The following HS3ST2 variants were observed in gnomAD, a reference collection of about 807,000 sequenced individuals.
HS3ST2 encodes heparan sulfate-glucosamine 3-sulfotransferase 2, also known as heparan sulfate glucosamine 3-O-sulfotransferase 2.
A neutral mutation model predicts 26.3 loss-of-function variants in HS3ST2; 17 were observed. The ratio of observed to expected loss-of-function variants is 0.65; its 90% CI spans 0.44 to 0.97. The LOEUF is 0.97. Ranked by LOEUF, HS3ST2 falls within the 50% of genes least tolerant of loss-of-function variation. HS3ST2 has a pLI of 0.00. For synonymous variants in HS3ST2, 237 were observed against 219.2 expected, an observed-to-expected ratio of 1.08 and a Z score of -0.72; for missense variants, 402 against 501.2, an observed-to-expected ratio of 0.80 and a Z score of 1.89.
rs1344105493 is a variant in HS3ST2, at chr16:22,915,590, G to A, written c.*28G>A. On this transcript the variant is annotated 3_prime_UTR_variant, in exon 2 of 2. Transcript: ENST00000261374. ...CCACGAAAGGAAAGGGCTCTCAAGGGCTCTTCTGCTCATCTCTTCCGTGAG... is the reference window on the plus strand; with the variant it reads ...CCACGAAAGGAAAGGGCTCTCAAGGACTCTTCTGCTCATCTCTTCCGTGAG... 6 of 1,588,834 alleles carry A rather than the reference G, an allele frequency of 3.8e-6. No individual in the cohort carries two copies. In the East Asian group the frequency reaches 1.3e-4, roughly 36 times the overall value.
At chr16:22,903,506 T>C (rs898439297) in intron 1 of HS3ST2, among the ~76,000 whole-genome samples, 7 of 152,214 alleles carry the variant, frequency 4.6e-5, no homozygotes, top group Non-Finnish European at 1.0e-4. Context: ...TACCCAGCCA[T>C]TAAACTAGCC....
rs111782641 is a variant in HS3ST2 at position 22,887,628 on chromosome 16, G to T, written c.486-27316G>T. 8.7e-4 allele frequency among the ~76,000 whole-genome samples: 132 copies of T among 152,244 alleles called. 1 individual carries two copies. In the Middle Eastern group the frequency reaches 0.01, roughly 12 times the overall value. The stretch of plus-strand genomic sequence containing the variant: ...CAGGCACCTGTAGCAGACACGATTG[G>T]TGCTTGGCTCAGATCCCTCTTAGTC... On this transcript the variant is annotated intron_variant, in intron 1 of 1. Transcript: ENST00000261374.
At chr16:22,854,685 C>G (rs1901565576) in intron 1 of HS3ST2, 1 of 147,680 alleles carries the variant, frequency 6.8e-6, no homozygotes, top group Admixed American at 6.8e-5. Context: ...GTCATTCAAG[C>G]TTGGGTGCAG....
intron 1 of HS3ST2, among the ~76,000 whole-genome samples, chr16:22,869,201 C>T (rs747894891): frequency 9.9e-5 from 15 of 152,120 alleles, no homozygotes; most frequent in Non-Finnish European, 2.1e-4. Flanking sequence ...ATAGAGACCT[C>T]CCTCATCTGG....
At chr16:22,847,618 A>G (rs1901455618) in intron 1 of HS3ST2, among the ~76,000 whole-genome samples, 1 of 152,124 alleles carries the variant, frequency 6.6e-6, no homozygotes, top group South Asian at 2.1e-4. Context: ...GGGGAATGGA[A>G]GAGAAGTATG....
intron 1 of HS3ST2, among the ~76,000 whole-genome samples, chr16:22,863,532 C>A (rs1901708071): frequency 6.6e-6 from 1 of 152,154 alleles, no homozygotes; most frequent in African/African-American, 2.4e-5. Context: ...ATTCCGTCAC[C>A]CAGAGAGTGA....
intron 1 of HS3ST2, among the ~76,000 whole-genome samples, chr16:22,899,274 A>G (rs1902250574): frequency 6.6e-6 from 1 of 152,194 alleles, no homozygotes; most frequent in Admixed American, 6.5e-5. Context: ...GTTTCAGAGC[A>G]GGGAAGCTGG....
intron 1 of HS3ST2, among the ~76,000 whole-genome samples, chr16:22,824,029 C>T (rs1901042983): frequency 6.6e-6 from 1 of 152,228 alleles, no homozygotes; most frequent in Non-Finnish European, 1.5e-5. Flanking sequence ...GTATTCTCCA[C>T]AATTACCACA....
In HS3ST2 at chr16:22,868,709, T is replaced by C. The variant is rs192090499; in HGVS notation, c.486-46235T>C. Among the ~76,000 whole-genome samples the C allele has an allele frequency of 5.9e-4, 90 of 152,234 alleles. 1 individual carries two copies. The highest frequency in any genetic ancestry group is 4.4e-3 in the Admixed American group (68 of 15,292). On this transcript the variant is annotated intron_variant, in intron 1 of 1. Coordinates refer to ENST00000261374, the MANE Select transcript of HS3ST2 (RefSeq NM_006043.2). The stretch of plus-strand genomic sequence containing the variant: ...ATTCTGGGCACTGATTTGTTTCCTT[T>C]TGGTGTTAATTTTGCTGCTGCAGCT...
intron 1 of HS3ST2, among the ~76,000 whole-genome samples, chr16:22,842,514 C>T (rs1310218619): frequency 6.6e-6 from 1 of 152,062 alleles, no homozygotes; most frequent in African/African-American, 2.4e-5. Flanking sequence ...AATTTTGTAT[C>T]CTTTGACCCA....
chr16:22,907,522 C>G (rs901305318), intron 1 of HS3ST2, among the ~76,000 whole-genome samples: 10 of 152,078 alleles, frequency 6.6e-5, no homozygotes. Context: ...AGGCTGGAGA[C>G]TTCAGAAGGT....
At position 22,827,431 on chromosome 16, in the gene HS3ST2, G is replaced by A. The variant is rs981014236; in HGVS notation, c.485+12336G>A. 4.6e-5 allele frequency among the ~76,000 whole-genome samples: 7 copies of A among 152,294 alleles called. No individual in the cohort carries two copies. The South Asian group carries it at 1.5e-3, about 32-fold the overall frequency. ...AGGATTTCTTGGGCTGTTATGTAAG[G>A]CAGTAAGGATGGAAGGAGGAAAACT... On this transcript the variant is annotated intron_variant, in intron 1 of 1. Transcript: ENST00000261374.
chr16:22,840,707 A>G (rs775950513), intron 1 of HS3ST2, among the ~76,000 whole-genome samples: 15 of 152,176 alleles, frequency 9.9e-5, no homozygotes, highest in African/African-American at 1.4e-4. Flanking sequence ...GCTAGAAAGA[A>G]TGGGGGAATT....
In HS3ST2 at chr16:22,814,203, A is replaced by C. The variant is rs2141170235; in HGVS notation, c.-408A>C. ...CCAGATCGCGGCCGGCGCCAGCGCCACCGTCCGGTCCACCCGCCAGCCCGC... is the reference window on the plus strand; with the variant it reads ...CCAGATCGCGGCCGGCGCCAGCGCCCCCGTCCGGTCCACCCGCCAGCCCGC... On this transcript the variant is annotated 5_prime_UTR_variant, in exon 1 of 2. Coordinates refer to ENST00000261374, the MANE Select transcript of HS3ST2 (RefSeq NM_006043.2). 5.9e-6 allele frequency: 1 copy of C among 170,080 alleles called. No homozygotes were observed. Among genetic ancestry groups the C allele is most frequent in the Non-Finnish European group, 1.2e-5 (1 of 80,560 alleles). 10.5% of individuals were successfully genotyped at this position (170,080 alleles called of 1,614,324 possible). A position where few individuals can be genotyped will look rare whatever the true frequency, so the allele number is the denominator to read the frequency against.
At chr16:22,886,174 G>A (rs1902055564) in intron 1 of HS3ST2, among the ~76,000 whole-genome samples, 1 of 152,148 alleles carries the variant, frequency 6.6e-6, no homozygotes, top group Admixed American at 6.5e-5. Flanking sequence ...TAAACCCAAA[G>A]CAGCTCATTT....
chr16:22,911,228 G>A (rs985665199), intron 1 of HS3ST2, among the ~76,000 whole-genome samples: 1 of 152,170 alleles, frequency 6.6e-6, no homozygotes, highest in African/African-American at 2.4e-5. Context: ...AGGCTGGAAG[G>A]ATGCATTATT....
At chr16:22,902,046 A>G (rs536660384) in intron 1 of HS3ST2, among the ~76,000 whole-genome samples, 44 of 152,326 alleles carry the variant, frequency 2.9e-4, no homozygotes, top group African/African-American at 1.0e-3. Flanking sequence ...ATAACTGTTA[A>G]ATGTATTGTG....
chr16:22,900,591 G>A (rs988578195), intron 1 of HS3ST2, among the ~76,000 whole-genome samples: 6 of 152,074 alleles, frequency 3.9e-5, no homozygotes, highest in African/African-American at 1.4e-4. Flanking sequence ...TGAATGGTGG[G>A]GCCATTAACT....
Position 22,845,058 on chromosome 16 carries a change from G to A in HS3ST2, c.485+29963G>A, listed in dbSNP as rs552857741. Among the ~76,000 whole-genome samples the A allele has an allele frequency of 5.5e-4, 82 of 148,246 alleles. 1 individual carries two copies. Among genetic ancestry groups the A allele is most frequent in the Non-Finnish European group, 8.7e-4 (59 of 67,984 alleles). On this transcript the variant is annotated intron_variant, in intron 1 of 1. Transcript: ENST00000261374. Reference sequence around the variant, plus strand: ...TTTAGTATAGACAGGATTTCACTGTGTTAGTTAGGATGGTCTGGATCTCCT... The same window carrying A: ...TTTAGTATAGACAGGATTTCACTGTATTAGTTAGGATGGTCTGGATCTCCT...
Sources: allele counts gnomAD v4.1 joint callset (sites outside exome capture counted in the v4.1 genomes callset), GRCh38; gene constraint gnomAD v4.1.1; transcripts MANE v1.5; gene names NCBI Gene and HGNC (gene_info 2026-07-23, HGNC 2026-07-21).